ERG: variants seen among roughly 807,000 people sequenced by gnomAD.
The protein encoded by ERG is ETS transcription factor ERG, also known as transcriptional regulator ERG.
ERG carries 9 observed loss-of-function variants against 55.3 expected under a neutral mutation model. The observed-to-expected ratio is 0.16, with a 90% CI of 0.10 to 0.28. ERG has a LOEUF of 0.28. Ranked by LOEUF, ERG falls within the 10% of genes least tolerant of loss-of-function variation. The pLI is 1.00. For synonymous variants in ERG, 223 were observed against 237.3 expected (o/e 0.94, Z 0.55); for missense variants, 434 against 631.6 (o/e 0.69, Z 3.35).
chr21:38,641,781 T>C (rs564958590), intron 1 of ERG, among the ~76,000 whole-genome samples: 10 of 152,318 alleles, frequency 6.6e-5, no homozygotes, highest in African/African-American at 2.4e-4. Flanking sequence ...TATCAAAAGA[T>C]TAAAGATACA....
chr21:38,375,616 TG>T (rs1454602943), downstream of ERG, among the ~76,000 whole-genome samples: 2 of 152,190 alleles, frequency 1.3e-5, no homozygotes, highest in African/African-American at 4.8e-5. Context: ...AGAATTGGAT[TG>T]AAGAACTGGA....
At chr21:38,426,088 C>T (rs886477978) in intron 2 of ERG, among the ~76,000 whole-genome samples, 1 of 152,240 alleles carries the variant, frequency 6.6e-6, no homozygotes, top group African/African-American at 2.4e-5. Flanking sequence ...CAGGCCCTAA[C>T]ATGGGCCTGG....
At chr21:38,437,701 G>A (rs1213950929) in intron 2 of ERG, among the ~76,000 whole-genome samples, 2 of 152,074 alleles carry the variant, frequency 1.3e-5, no homozygotes, top group African/African-American at 4.8e-5. Flanking sequence ...GCCCATCCTC[G>A]CTTCCTCTTT....
intron 1 of ERG, among the ~76,000 whole-genome samples, chr21:38,617,967 A>T (rs1318758694): frequency 6.6e-6 from 1 of 152,198 alleles, no homozygotes; most frequent in Non-Finnish European, 1.5e-5. Context: ...GGACAAGGCC[A>T]GCCTGGAGCA....
intron 1 of ERG, among the ~76,000 whole-genome samples, chr21:38,631,189 A>G (rs2060354248): frequency 6.6e-6 from 1 of 152,160 alleles, no homozygotes; most frequent in Admixed American, 6.5e-5. Flanking sequence ...CTCGGACTGC[A>G]TCTTGCCCTT....
At chr21:38,428,525 C>T (rs867201966) in intron 2 of ERG, among the ~76,000 whole-genome samples, 1 of 152,206 alleles carries the variant, frequency 6.6e-6, no homozygotes, top group African/African-American at 2.4e-5. Flanking sequence ...AAAGAGTATG[C>T]TGTGCAGGGA....
chr21:38,430,566 C>A (rs1990155465), intron 2 of ERG, among the ~76,000 whole-genome samples: 1 of 152,208 alleles, frequency 6.6e-6, no homozygotes, highest in Non-Finnish European at 1.5e-5. Flanking sequence ...GTGGCATCAA[C>A]AAGAGTAAAC....
Position 38,445,438 on chromosome 21 carries a change from T to A in ERG, c.202A>T (p.Met68Leu), listed in dbSNP as rs770585152. 5.6e-6 allele frequency: 9 copies of A among 1,614,000 alleles called. No individual in the cohort carries two copies. The highest frequency in any genetic ancestry group is 1.3e-5 in the African/African-American group (1 of 74,912). The change falls in exon 2 of 10, where the codon ATG becomes TTG. Residue 68 changes from methionine to leucine, a missense_variant. Physicochemically the swap from Met to Leu is conservative, Grantham distance 15. This residue lies in a region of ERG where 212 missense variants were observed against 262.9 expected (regional missense o/e 0.81). Coordinates refer to ENST00000288319, the MANE Select transcript of ERG (RefSeq NM_182918.4). ...TTCACCTGGCTAGGGTTACATTCCA[T>A]TTTGATGGTGACCCTGGCTGGGGGT... ...SQPPARVTIK[M>L]ECNPSQVNGS...
intron 1 of ERG, among the ~76,000 whole-genome samples, chr21:38,468,982 CAA>C (rs1261630693): frequency 3.4e-5 from 1 of 29,046 alleles, no homozygotes; most frequent in African/African-American, 1.3e-4. Flanking sequence ...GACTCTGTCT[CAA>C]AAAAAAAAAA....
Position 38,644,503 on chromosome 21 carries a change from C to T in ERG, c.-150+17155G>A, listed in dbSNP as rs75042010. ...GCAGACATCTTGGTCTGTAGAAACA[C>T]CTTATAAGGAGATCAACGTATAACA... On this transcript the variant is annotated intron_variant, in intron 1 of 10. Transcript: ENST00000398910. Among the ~76,000 whole-genome samples the T allele has an allele frequency of 3.9e-3, 596 of 152,198 alleles. 5 individuals are homozygous for T. Among genetic ancestry groups the T allele is most frequent in the African/African-American group, 0.014 (574 of 41,504 alleles).
intron 3 of ERG, among the ~76,000 whole-genome samples, chr21:38,412,147 T>C (rs1415754652): frequency 6.6e-6 from 1 of 152,200 alleles, no homozygotes; most frequent in Admixed American, 6.5e-5. Flanking sequence ...TATCACTCTC[T>C]GTCTTTAATG....
chr21:38,437,378 G>A (rs2058800869), intron 2 of ERG, among the ~76,000 whole-genome samples: 1 of 152,330 alleles, frequency 6.6e-6, no homozygotes, highest in East Asian at 1.9e-4. Context: ...ACTGCAGGAT[G>A]TCCCCGGCCT....
chr21:38,512,049 T>C (rs1261657677), intron 2 of ERG, among the ~76,000 whole-genome samples: 1 of 152,176 alleles, frequency 6.6e-6, no homozygotes, highest in South Asian at 2.1e-4. Flanking sequence ...TAATGGAAGG[T>C]ATATTGTCAG....
intron 1 of ERG, among the ~76,000 whole-genome samples, chr21:38,480,303 C>T (rs930166071): frequency 1.3e-5 from 2 of 152,032 alleles, no homozygotes; most frequent in Admixed American, 6.6e-5. Context: ...AGTGGAATCG[C>T]GGATAAGAGA....
chr21:38,636,751 G>A (rs11702424), intron 1 of ERG, among the ~76,000 whole-genome samples: 34,656 of 152,084 alleles, frequency 0.23, 4,760 homozygotes, highest in Non-Finnish European at 0.31. Context: ...CCAACCCTGC[G>A]GCCCACAGCC....
At chr21:38,627,627 G>A (rs762344583) in intron 1 of ERG, among the ~76,000 whole-genome samples, 3 of 152,186 alleles carry the variant, frequency 2.0e-5, no homozygotes, top group Non-Finnish European at 4.4e-5. Flanking sequence ...AACCGTAGAA[G>A]CATGCAAGGC....
chr21:38,462,655 AC>A (rs2059054156), intron 1 of ERG, among the ~76,000 whole-genome samples: 1 of 152,236 alleles, frequency 6.6e-6, no homozygotes, highest in South Asian at 2.1e-4. Context: ...CCAAGACTGC[AC>A]ATGGTGATAT....
intron 2 of ERG, among the ~76,000 whole-genome samples, chr21:38,557,922 T>A (rs1186356929): frequency 6.6e-6 from 1 of 152,228 alleles, no homozygotes; most frequent in Non-Finnish European, 1.5e-5. Context: ...CTTCAACTAA[T>A]GAACAAAACT....
intron 1 of ERG, among the ~76,000 whole-genome samples, chr21:38,630,793 A>G (rs981807005): frequency 5.9e-5 from 9 of 152,234 alleles, no homozygotes; most frequent in Non-Finnish European, 1.2e-4. Context: ...AAGCTTTAAG[A>G]AATGGTTCTG....
Sources: allele counts gnomAD v4.1 joint callset (sites outside exome capture counted in the v4.1 genomes callset), GRCh38; gene constraint gnomAD v4.1.1; regional missense constraint gnomAD v4.1.1; transcripts MANE v1.5; gene names NCBI Gene and HGNC (gene_info 2026-07-23, HGNC 2026-07-21).